The following DCHS1 variants were observed in gnomAD, a reference collection of about 807,000 sequenced individuals.
The protein encoded by DCHS1 is protocadherin-16.
Under a neutral mutation model 213.9 loss-of-function variants are expected in DCHS1, and 78 were observed. The observed-to-expected ratio is 0.36, with a 90% CI of 0.30 to 0.44. The LOEUF is 0.44. Ranked by LOEUF, DCHS1 falls within the 20% of genes least tolerant of loss-of-function variation. The pLI, the probability that DCHS1 is intolerant of heterozygous loss-of-function variation, is 1.00. For missense variants in DCHS1, 3,946 were observed against 4,395.9 expected, an observed-to-expected ratio of 0.90 and a Z score of 2.89; for synonymous variants, 1,828 against 1,873.7, an observed-to-expected ratio of 0.98 and a Z score of 0.63.
chr11:6,624,931 T>A, intron 19 of DCHS1, 63 bp from the exon 20 acceptor site: 1 of 1,597,172 alleles, frequency 6.3e-7, no homozygotes, highest in Non-Finnish European at 8.5e-7. Context: ...CCATGCAGCC[T>A]GTTCTGGAGC....
In DCHS1 at chr11:6,628,807, G is replaced by A. The variant is rs1357985907; in HGVS notation, c.5185C>T (p.Pro1729Ser). Residue 1729 changes from proline (P) to serine (S), a missense_variant, in exon 13 of 21, where the codon CCT (proline) becomes TCT (serine). By Grantham distance (74) the Pro-to-Ser change is moderately conservative. Transcript: ENST00000299441. This position sits in a 1 kb window ranked among gnomAD's most constrained non-coding sequence, Gnocchi z 4.3. Reference protein sequence around the residue: ...LTVYAQDRGSPPQLTHVTVRV... With the variant: ...LTVYAQDRGSSPQLTHVTVRV... ...ACAGTGACATGCGTTAACTGAGGAG[G>A]TGAGCCCCTGTCCTGGGCATACACT... The A allele has an allele frequency of 3.7e-6, 6 of 1,613,750 alleles. No homozygotes were observed. The highest frequency in any genetic ancestry group is 5.1e-6 in the Non-Finnish European group (6 of 1,179,782).
intron 1 of DCHS1, among the ~76,000 whole-genome samples, chr11:6,643,005 A>G (rs1292137569): frequency 1.3e-5 from 2 of 152,162 alleles, no homozygotes; most frequent in South Asian, 2.1e-4. Context: ...TGAGGGGAAG[A>G]AGGATTGGGA....
Position 6,622,235 on chromosome 11 carries a change from C to T in DCHS1, c.9441G>A (p.Leu3147=), listed in dbSNP as rs755085535. Residue 3147 remains leucine, a synonymous_variant, in exon 21 of 21, where the codon CTG becomes CTA. Transcript: ENST00000299441. This position sits in a 1 kb window ranked among gnomAD's most constrained non-coding sequence, Gnocchi z 5.4. ...ADGKPCVAGA[L]TAIVAGEEEL... ...CCTCCTCGCCGGCCACAATGGCTGT[C>T]AGCGCACCTGCCACACATGGCTTGC... is the stretch of plus-strand genomic sequence containing the variant. The T allele has an allele frequency of 3.1e-6, 5 of 1,601,082 alleles. No individual in the cohort carries two copies. Among genetic ancestry groups the T allele is most frequent in the Admixed American group, 1.7e-5 (1 of 58,636 alleles).
Position 6,627,075 on chromosome 11 carries a change from A to G in DCHS1, c.5964T>C (p.Ala1988=), listed in dbSNP as rs753945494. The G allele has an allele frequency of 1.9e-5, 30 of 1,613,388 alleles. No individual in the cohort carries two copies. The South Asian group carries it at 3.2e-4, about 17-fold the overall frequency. ...CATTGGCACCAGCATCACGATCTTCAGCTCTCAGTGTGGCCAGAGCCAGGG... is the reference window on the plus strand; with the variant it reads ...CATTGGCACCAGCATCACGATCTTCGGCTCTCAGTGTGGCCAGAGCCAGGG... ...TPTLALATLR[A]EDRDAGANAS... is the part of the protein sequence containing the mutation. The change falls in exon 14 of 21, where the codon GCT becomes GCC. Residue 1988 remains alanine, a synonymous_variant. Transcript: ENST00000299441. The surrounding 1 kb of genome is among the most constrained non-coding windows in gnomAD (Gnocchi z 5.4).
chr11:6,646,273 G>A (rs563473569), intron 1 of DCHS1, among the ~76,000 whole-genome samples: 1 of 152,272 alleles, frequency 6.6e-6, no homozygotes, highest in South Asian at 2.1e-4. Flanking sequence ...GGCACTCGTG[G>A]TCAGCTCTGC....
At position 6,640,498 on chromosome 11, in the gene DCHS1, G is replaced by T; in HGVS notation, c.1116C>A (p.Ser372=). ...MTVIFLSADG[S]PQVSEAAPPG... Reference sequence around the variant, plus strand: ...GTGGGGCGGCCTCAGACACTTGGGGGGAGCCATCTGCACTGAGAAAGATGA... The same window carrying T: ...GTGGGGCGGCCTCAGACACTTGGGGTGAGCCATCTGCACTGAGAAAGATGA... Residue 372 remains serine (S), a synonymous_variant, in exon 2 of 21, where the codon TCC becomes TCA. Coordinates refer to ENST00000299441, the MANE Select transcript of DCHS1 (RefSeq NM_003737.4). The surrounding 1 kb of genome is among the most constrained non-coding windows in gnomAD (Gnocchi z 6.5). The T allele has an allele frequency of 6.2e-7, 1 of 1,613,166 alleles. No homozygotes were observed. Among genetic ancestry groups the T allele is most frequent in the Non-Finnish European group, 8.5e-7 (1 of 1,179,884 alleles).
intron 1 of DCHS1, among the ~76,000 whole-genome samples, chr11:6,654,248 T>C (rs768345100): frequency 2.6e-5 from 4 of 152,100 alleles, no homozygotes; most frequent in Non-Finnish European, 5.9e-5. Context: ...TACAAGTGGC[T>C]GTGTGGTAAG....
Position 6,622,600 on chromosome 11 carries a change from C to A in DCHS1, c.9076G>T (p.Asp3026Tyr). The change falls in exon 21 of 21, where the codon GAC becomes TAC. Residue 3026 changes from aspartate (D) to tyrosine (Y), a missense_variant. Asp to Tyr is a radical substitution (Grantham distance 160, BLOSUM62 -3). Around this residue, in one of 3 missense-constraint regions of DCHS1, gnomAD observed 554 missense variants for 590.2 expected, o/e 0.94. Transcript: ENST00000299441. This position sits in a 1 kb window ranked among gnomAD's most constrained non-coding sequence, Gnocchi z 5.4. ...CCTCGGCCACTTGAATGTGAAGGGT[C>A]CAAGGAGCCACCACGGGGGTAGGGT... Reference protein sequence around the residue: ...GGPYPRGGSLDPSHSSGRGSA... With the variant: ...GGPYPRGGSLYPSHSSGRGSA... 1 of 1,580,742 alleles carries A rather than the reference C, an allele frequency of 6.3e-7. No individual in the cohort carries two copies. Among genetic ancestry groups the A allele is most frequent in the East Asian group, 2.3e-5 (1 of 43,186 alleles).
chr11:6,652,642 T>C (rs1856260540), intron 1 of DCHS1, among the ~76,000 whole-genome samples: 1 of 152,144 alleles, frequency 6.6e-6, no homozygotes, highest in Non-Finnish European at 1.5e-5. Context: ...GGATTGGCCT[T>C]AAGTAGAAGA....
In DCHS1 at chr11:6,624,312, C is replaced by T. The variant is rs192441480; in HGVS notation, c.7364G>A (p.Arg2455Gln). 25 of 1,585,694 alleles carry T rather than the reference C, an allele frequency of 1.6e-5. No individual in the cohort carries two copies. The highest frequency in any genetic ancestry group is 1.5e-4 in the Admixed American group (8 of 55,096). The part of the protein sequence containing the change: ...SGAVDVVLEA[R>Q]DHGAPGRAAR... ...TGCCCGGCCTGGAGCCCCGTGGTCT[C>T]GTGCTTCCAGCACCACATCCACTGC... The change falls in exon 21 of 21, where the codon CGA becomes CAA. Residue 2455 changes from arginine to glutamine, a missense_variant. Arg to Gln is a conservative substitution (Grantham distance 43, BLOSUM62 1). Transcript: ENST00000299441.
At position 6,624,083 on chromosome 11, in the gene DCHS1, G is replaced by C; in HGVS notation, c.7593C>G (p.Phe2531Leu). 6.2e-7 allele frequency: 1 copy of C among 1,612,674 alleles called. No individual in the cohort carries two copies. The highest frequency in any genetic ancestry group is 8.5e-7 in the Non-Finnish European group (1 of 1,179,478). The change falls in exon 21 of 21, where the codon TTC becomes TTG. Residue 2531 changes from phenylalanine (F) to leucine (L), a missense_variant. This residue lies in a region of DCHS1 where 3,384 missense variants were observed against 3,780.1 expected (regional missense o/e 0.90). Transcript: ENST00000299441. ...SIISGNWGRV[F>L]QLEPRLAEAG... ...CCTCAGCCAGCCTGGGTTCCAGCTGGAAGACTCGGCCCCAGTTGCCACTGA... is the reference window on the plus strand; with the variant it reads ...CCTCAGCCAGCCTGGGTTCCAGCTGCAAGACTCGGCCCCAGTTGCCACTGA...
In DCHS1 at chr11:6,640,935, C is replaced by A; in HGVS notation, c.679G>T (p.Ala227Ser). 6.2e-7 allele frequency: 1 copy of A among 1,614,038 alleles called. No individual in the cohort carries two copies. Among genetic ancestry groups the A allele is most frequent in the Non-Finnish European group, 8.5e-7 (1 of 1,179,898 alleles). Residue 227 changes from alanine to serine, a missense_variant, in exon 2 of 21, where the codon GCC (alanine) becomes TCC (serine). This residue lies in a region of DCHS1 where 3,384 missense variants were observed against 3,780.1 expected (regional missense o/e 0.90). Coordinates refer to ENST00000299441, the MANE Select transcript of DCHS1 (RefSeq NM_003737.4). The surrounding 1 kb of genome is among the most constrained non-coding windows in gnomAD (Gnocchi z 6.5). ...CGGGGGGGTGAACCACCATCATAGG[C>A]CTCCAGCTGTAGCATATAGTGTGAG... ...NRSHYMLQLEAYDGGSPPRRA... is the reference protein window; with the variant it reads ...NRSHYMLQLESYDGGSPPRRA...
intron 1 of DCHS1, among the ~76,000 whole-genome samples, chr11:6,642,896 G>T (rs973510790): frequency 7.2e-5 from 11 of 152,162 alleles, no homozygotes; most frequent in African/African-American, 2.7e-4. Flanking sequence ...TGCTTTGATG[G>T]TAACTTGGGT....
In DCHS1 at chr11:6,625,332, C is replaced by T; in HGVS notation, c.7012G>A (p.Asp2338Asn). The change falls in exon 19 of 21, where the codon GAC becomes AAC. Residue 2338 changes from aspartate (D) to asparagine (N), a missense_variant. Transcript: ENST00000299441. The surrounding 1 kb of genome is among the most constrained non-coding windows in gnomAD (Gnocchi z 5.3). ...TGGTAGCGGTCACACTGCTCAAAGTCCAGGGGCCCCGTGAGGGAGACACGG... is the reference window on the plus strand; with the variant it reads ...TGGTAGCGGTCACACTGCTCAAAGTTCAGGGGCCCCGTGAGGGAGACACGG... ...GGRVSLTGPL[D>N]FEQCDRYQLQ... The T allele has an allele frequency of 6.2e-7, 1 of 1,613,856 alleles. No individual in the cohort carries two copies. The highest frequency in any genetic ancestry group is 8.5e-7 in the Non-Finnish European group (1 of 1,179,870).
At chr11:6,642,787 C>A (rs1856098397) in intron 1 of DCHS1, among the ~76,000 whole-genome samples, 1 of 152,102 alleles carries the variant, frequency 6.6e-6, no homozygotes, top group Admixed American at 6.5e-5. Flanking sequence ...CAGAATATGA[C>A]CTATATTTTG....
intron 1 of DCHS1, among the ~76,000 whole-genome samples, chr11:6,654,363 T>G (rs1856285706): frequency 6.6e-6 from 1 of 152,200 alleles, no homozygotes; most frequent in African/African-American, 2.4e-5. Context: ...GTGACAGTTG[T>G]GACAGTGCTT....
At chr11:6,646,932 G>C (rs182394584) in intron 1 of DCHS1, among the ~76,000 whole-genome samples, 1 of 152,114 alleles carries the variant, frequency 6.6e-6, no homozygotes, top group Non-Finnish European at 1.5e-5. Flanking sequence ...GGAGCAGGGG[G>C]ACTACAAGGG....
chr11:6,642,536 T>C (rs777832143), intron 1 of DCHS1, among the ~76,000 whole-genome samples: 32 of 140,532 alleles, frequency 2.3e-4, no homozygotes, highest in Non-Finnish European at 4.7e-4. Flanking sequence ...AGAAGGGGGA[T>C]ACAGAAAGGA....
In DCHS1 at chr11:6,623,019, C is replaced by T. The variant is rs1170558694; in HGVS notation, c.8657G>A (p.Gly2886Asp). The change falls in exon 21 of 21, where the codon GGT (glycine) becomes GAT (aspartate). Residue 2886 changes from glycine to aspartate, a missense_variant. Physicochemically the swap from Gly to Asp is moderately conservative, Grantham distance 94. Around this residue, in one of 3 missense-constraint regions of DCHS1, gnomAD observed 554 missense variants for 590.2 expected, o/e 0.94. Transcript: ENST00000299441. ...APGSGTATSG[G>D]GGRTRREAPR... is the part of the protein sequence containing the mutation. ...TGCTTCCCGCCGGGTCCGGCCCCCA[C>T]CCCCAGAGGTGGCTGTTCCGCTGCC... The T allele has an allele frequency of 1.9e-6, 3 of 1,573,210 alleles. No individual in the cohort carries two copies. Among genetic ancestry groups the T allele is most frequent in the Non-Finnish European group, 1.7e-6 (2 of 1,159,884 alleles).
Sources: gnomAD v4.1 joint callset for allele counts (sites outside exome capture counted in the v4.1 genomes callset) on GRCh38, gnomAD v4.1.1 for gene constraint, gnomAD v4.1.1 regional missense constraint, Gnocchi (gnomAD v3.1) non-coding constraint, MANE v1.5 for transcripts, NCBI Gene and HGNC (gene_info 2026-07-23, HGNC 2026-07-21) for gene names.